The following PEX19 variants were observed in gnomAD, a reference collection of about 807,000 sequenced individuals.
PEX19 encodes 33 kDa housekeeping protein.
PEX19 carries 29 observed loss-of-function variants against 36.3 expected under a neutral mutation model. The ratio of observed to expected loss-of-function variants is 0.80; its 90% CI spans 0.60 to 1.09. PEX19 has a LOEUF of 1.09. Ranked by LOEUF, PEX19 falls within the 50% of genes least tolerant of loss-of-function variation. The pLI is 0.00. For missense variants in PEX19, 396 were observed against 368.1 expected (o/e 1.08, Z -0.62); for synonymous variants, 141 against 135.2 (o/e 1.04, Z -0.30).
At chr1:160,281,978 G>GCCCA in intron 5 of PEX19, 61 bp downstream of exon 5, 4 of 1,375,060 alleles carry the variant, frequency 2.9e-6, no homozygotes, top group Admixed American at 3.4e-5. Flanking sequence ...AGACAAAATA[G>GCCCA]CCCACATCAG....
In PEX19 at chr1:160,278,785, G is replaced by T. The variant is rs747924123; in HGVS notation, c.*766C>A. ...CACAGCTTGAGCTCAAAAAGGTTGG[G>T]ATAAACAGGTGTTTAAAAAAGAGAG... On this transcript the variant is annotated 3_prime_UTR_variant, in exon 8 of 8. Transcript: ENST00000368072. The T allele has an allele frequency of 2.2e-6, 1 of 454,110 alleles. No individual in the cohort carries two copies. Among genetic ancestry groups the T allele is most frequent in the South Asian group, 1.6e-5 (1 of 64,478 alleles). 28.1% of individuals were successfully genotyped at this position (454,110 alleles called of 1,614,324 possible).
rs1210106714 is a variant in PEX19 at position 160,280,941 on chromosome 1, A to C, written c.595-695T>G. ...TGCTGACTCGTGGTCTGTACTATTC[A>C]TTACACACTTACCCACATTTCCCCA... is the stretch of plus-strand genomic sequence containing the variant. On this transcript the variant is annotated intron_variant, in intron 5 of 7. Transcript: ENST00000368072. 2.0e-5 allele frequency among the ~76,000 whole-genome samples: 3 copies of C among 152,294 alleles called. No individual in the cohort carries two copies. In the East Asian group the frequency reaches 5.8e-4, roughly 29 times the overall value.
Position 160,279,034 on chromosome 1 carries a change from C to G in PEX19, c.*517G>C, listed in dbSNP as rs967012871. 1.3e-5 allele frequency: 6 copies of G among 454,252 alleles called. No individual in the cohort carries two copies. Among genetic ancestry groups the G allele is most frequent in the African/African-American group, 1.2e-4 (6 of 50,010 alleles). 28.1% of individuals were successfully genotyped at this position (454,252 alleles called of 1,614,324 possible). A position where few individuals can be genotyped will look rare whatever the true frequency, so the allele number is the denominator to read the frequency against. The stretch of plus-strand genomic sequence containing the variant: ...TTCCCTTTAGAGAATTCAGAATGGT[C>G]TGTCTGAAGGCAAGAGAGCATAGTG... On this transcript the variant is annotated 3_prime_UTR_variant, in exon 8 of 8. Transcript: ENST00000368072.
In PEX19 at chr1:160,276,938, A is replaced by G. The variant is rs1396971061; in HGVS notation, c.*2613T>C. On this transcript the variant is annotated 3_prime_UTR_variant, in exon 8 of 8. Transcript: ENST00000368072. ...CCTTTAAAGTTTGAGAGTCGCATAA[A>G]TATTTCATATACAGCTTAAACCTAA... 2.2e-6 allele frequency: 1 copy of G among 453,048 alleles called. No homozygotes were observed. The highest frequency in any genetic ancestry group is 6.9e-5 in the East Asian group (1 of 14,390). 28.1% of individuals were successfully genotyped at this position (453,048 alleles called of 1,614,324 possible).
chr1:160,279,969 C>T, intron 6 of PEX19, 101 bp downstream of exon 6: 2 of 1,375,094 alleles, frequency 1.5e-6, no homozygotes, highest in Middle Eastern at 2.1e-4. Context: ...GAGAGGATCC[C>T]TCCTCCACCT....
chr1:160,282,743 GAAT>G (rs1657826948), intron 3 of PEX19, 198 bp downstream of exon 3: 1 of 699,140 alleles, frequency 1.4e-6, no homozygotes, highest in Admixed American at 2.2e-5. Flanking sequence ...GGTCAGTTTT[GAAT>G]AATGTTTTCT....
intron 5 of PEX19, among the ~76,000 whole-genome samples, chr1:160,280,758 A>G (rs1657741614): frequency 6.6e-6 from 1 of 152,090 alleles, no homozygotes; most frequent in African/African-American, 2.4e-5. Context: ...GGCTCAAGCA[A>G]TCTGTCCACC....
In PEX19 at chr1:160,277,356, C is replaced by T. The variant is rs1420487530; in HGVS notation, c.*2195G>A. On this transcript the variant is annotated 3_prime_UTR_variant, in exon 8 of 8. Coordinates refer to ENST00000368072, the MANE Select transcript of PEX19 (RefSeq NM_002857.4). Reference sequence around the variant, plus strand: ...CCAGTTTGGGTGCTGTCAAACTTGCCGGGTCGGCAGCACACAGTGTGAACT... The same window carrying T: ...CCAGTTTGGGTGCTGTCAAACTTGCTGGGTCGGCAGCACACAGTGTGAACT... The T allele has an allele frequency of 1.3e-5, 6 of 456,078 alleles. No homozygotes were observed. The highest frequency in any genetic ancestry group is 6.5e-4 in the Middle Eastern group (2 of 3,070). The allele number at this position is 456,078 out of a possible 1,614,324, so 28.3% of individuals were successfully genotyped here.
rs1571131842 is a variant in PEX19 at position 160,277,169 on chromosome 1, A to T, written c.*2382T>A. The T allele has an allele frequency of 8.8e-6, 4 of 454,918 alleles. No homozygotes were observed. Among genetic ancestry groups the T allele is most frequent in the African/African-American group, 6.0e-5 (3 of 50,016 alleles). 28.2% of individuals were successfully genotyped at this position (454,918 alleles called of 1,614,324 possible). On this transcript the variant is annotated 3_prime_UTR_variant, in exon 8 of 8. Transcript: ENST00000368072. The stretch of plus-strand genomic sequence containing the variant: ...CCCAAAACAGTGCTACTCAAAGATG[A>T]TCTGCAGACTTGTGCTGGTCAGTGA...
intron 4 of PEX19, 35 bp from the exon 5 acceptor site, chr1:160,282,235 T>C: frequency 6.2e-7 from 1 of 1,610,076 alleles, no homozygotes; most frequent in South Asian, 1.1e-5. Context: ...GCAGGTATAC[T>C]ACCTTCTTGG....
In PEX19 at chr1:160,279,818, C is replaced by A. The variant is rs1447085765; in HGVS notation, c.799G>T (p.Glu267Ter). ...ATACTCACCATCTCTCCAGCCAGCT[C>A]TTTTGGAGGATGGCCTAAATCTTGT... The part of the protein sequence containing the change: ...QLQDLGHPPK[E>*]LAGEMPPGLN... Residue 267 changes from glutamate (E) to a stop codon, truncating the protein, a stop_gained, in exon 7 of 8, where the codon GAG becomes TAG. Coordinates refer to ENST00000368072, the MANE Select transcript of PEX19 (RefSeq NM_002857.4). LOFTEE classifies it high-confidence loss of function. The A allele has an allele frequency of 7.4e-6, 12 of 1,613,346 alleles. No homozygotes were observed. In the South Asian group the frequency reaches 1.2e-4, roughly 16 times the overall value.
At position 160,279,378 on chromosome 1, in the gene PEX19, C is replaced by T; in HGVS notation, c.*173G>A. 1 of 707,140 alleles carries T rather than the reference C, an allele frequency of 1.4e-6. No homozygotes were observed. The highest frequency in any genetic ancestry group is 2.6e-6 in the Non-Finnish European group (1 of 388,842). 43.8% of individuals were successfully genotyped at this position (707,140 alleles called of 1,614,324 possible). A position where few individuals can be genotyped will look rare whatever the true frequency, so the allele number is the denominator to read the frequency against. On this transcript the variant is annotated 3_prime_UTR_variant, in exon 8 of 8. Transcript: ENST00000368072. ...AATGGCCTGTGAAACAGACCCTATT[C>T]CTAGAGAGACAGAGGAAAAACCTCA...
rs1453512387 is a variant in PEX19 at position 160,279,093 on chromosome 1, C to A, written c.*458G>T. 4 of 454,324 alleles carry A rather than the reference C, an allele frequency of 8.8e-6. No homozygotes were observed. The highest frequency in any genetic ancestry group is 6.2e-5 in the South Asian group (4 of 64,382). The allele number at this position is 454,324 out of a possible 1,614,324, so 28.1% of individuals were successfully genotyped here. A position where few individuals can be genotyped will look rare whatever the true frequency, so the allele number is the denominator to read the frequency against. ...GTAGCCCCAGCCCAGGCTGTTTCTC[C>A]CCATTCTCAAAGGCTCTGCCAGGAG... On this transcript the variant is annotated 3_prime_UTR_variant, in exon 8 of 8. Coordinates refer to ENST00000368072, the MANE Select transcript of PEX19 (RefSeq NM_002857.4).
chr1:160,283,195 T>A (rs1657856537), intron 2 of PEX19, 86 bp from the exon 3 acceptor site: 1 of 1,411,438 alleles, frequency 7.1e-7, no homozygotes, highest in African/African-American at 1.4e-5. Context: ...GCAGTGGCTA[T>A]GGGAAATGCA....
At position 160,282,431 on chromosome 1, in the gene PEX19, C is replaced by G; in HGVS notation, c.418G>C (p.Ala140Pro). 1.2e-6 allele frequency: 2 copies of G among 1,613,848 alleles called. No individual in the cohort carries two copies. Among genetic ancestry groups the G allele is most frequent in the Non-Finnish European group, 1.7e-6 (2 of 1,179,720 alleles). The change falls in exon 4 of 8, where the codon GCC becomes CCC. Residue 140 changes from alanine (A) to proline (P), a missense_variant. By Grantham distance (27) the Ala-to-Pro change is conservative (BLOSUM62 -1). Transcript: ENST00000368072. ...TTTCTCCTCACCTGAAGGTCAGTGG[C>G]ATTTTTGGCTAATCCACTTAGTGTT... is the stretch of plus-strand genomic sequence containing the variant. Reference protein sequence around the residue: ...KETLSGLAKNATDLQNSSMSE... With the variant: ...KETLSGLAKNPTDLQNSSMSE...
At position 160,277,777 on chromosome 1, in the gene PEX19, G is replaced by A; in HGVS notation, c.*1774C>T. ...CTCTATCCTTGTCCAGTTTTTGGCT[G>A]GAGCTTTAAGGAGAAAATAGTGACA... On this transcript the variant is annotated 3_prime_UTR_variant, in exon 8 of 8. Coordinates refer to ENST00000368072, the MANE Select transcript of PEX19 (RefSeq NM_002857.4). 2.1e-6 allele frequency: 1 copy of A among 480,172 alleles called. No homozygotes were observed. The highest frequency in any genetic ancestry group is 1.5e-5 in the South Asian group (1 of 64,734). The allele number at this position is 480,172 out of a possible 1,614,324, so 29.7% of individuals were successfully genotyped here. A position where few individuals can be genotyped will look rare whatever the true frequency, so the allele number is the denominator to read the frequency against.
chr1:160,280,335 G>A (rs1557853748), intron 5 of PEX19, 89 bp from the exon 6 acceptor site: 2 of 1,291,988 alleles, frequency 1.5e-6, no homozygotes, highest in Non-Finnish European at 1.1e-6. Flanking sequence ...ATGTGAAAGG[G>A]AAAGGGACGT....
chr1:160,284,985 G>T lies in PEX19; in HGVS notation c.70+70C>A, dbSNP rs1657950694. On this transcript the variant is annotated intron_variant, in intron 1 of 7. Coordinates refer to ENST00000368072, the MANE Select transcript of PEX19 (RefSeq NM_002857.4). ...TCTCCTGCCCGTCCCTAATATCTCA[G>T]GTTCACTTAACCCCCAGAATGGGTC... 3 of 1,124,428 alleles carry T rather than the reference G, an allele frequency of 2.7e-6. No individual in the cohort carries two copies. The African/African-American group carries it at 4.6e-5, about 17-fold the overall frequency. The allele number at this position is 1,124,428 out of a possible 1,614,324, so 69.7% of individuals were successfully genotyped here.
chr1:160,279,884 G>A (rs1417733534), intron 6 of PEX19, 39 bp from the exon 7 acceptor site: 11 of 1,561,998 alleles, frequency 7.0e-6, no homozygotes, highest in Non-Finnish European at 9.7e-6. Flanking sequence ...ATAGAGAAAA[G>A]CCCAGAAAAC....
Sources: allele counts gnomAD v4.1 joint callset (sites outside exome capture counted in the v4.1 genomes callset), GRCh38; gene constraint gnomAD v4.1.1; transcripts MANE v1.5; gene names NCBI Gene and HGNC (gene_info 2026-07-23, HGNC 2026-07-21).